The following ANGPT1 variants were observed in gnomAD, a reference collection of about 807,000 sequenced individuals.
ANGPT1 encodes angiopoietin 1.
A neutral mutation model predicts 62.2 loss-of-function variants in ANGPT1; 17 were observed. That is an observed-to-expected ratio of 0.27 (90% CI 0.19 to 0.41). ANGPT1 has a LOEUF of 0.41. ANGPT1 is among the 10% of genes least tolerant of loss of function. The probability of loss-of-function intolerance (pLI) is 1.00; values close to 1 mark genes in which losing one functional copy is unlikely to be tolerated. For synonymous variants in ANGPT1, 199 were observed against 198.9 expected (o/e 1.00, Z 0.00); for missense variants, 478 against 594.9 (o/e 0.80, Z 2.04).
At chr8:107,297,570 A>C (rs1814446307) in intron 5 of ANGPT1, among the ~76,000 whole-genome samples, 1 of 113,706 alleles carries the variant, frequency 8.8e-6, no homozygotes, top group South Asian at 2.7e-4. Context: ...TTAATATACT[A>C]TAGTTATATA....
chr8:107,264,925 T>C (rs1169866032), intron 7 of ANGPT1, among the ~76,000 whole-genome samples: 1 of 152,182 alleles, frequency 6.6e-6, no homozygotes, highest in Non-Finnish European at 1.5e-5. Context: ...AACTCAAGCT[T>C]TGAATCATTA....
intron 1 of ANGPT1, among the ~76,000 whole-genome samples, chr8:107,370,157 A>G (rs1377782669): frequency 7.4e-6 from 1 of 135,388 alleles, no homozygotes; most frequent in Non-Finnish European, 1.6e-5. Context: ...AGAGAAAGAG[A>G]AAGAAAGAAA....
chr8:107,298,097 T>C (rs2130199489), intron 5 of ANGPT1, among the ~76,000 whole-genome samples: 1 of 152,000 alleles, frequency 6.6e-6, no homozygotes, highest in African/African-American at 2.4e-5. Context: ...AACTGGCTCC[T>C]ATCCCAGGCA....
intron 1 of ANGPT1, among the ~76,000 whole-genome samples, chr8:107,446,571 T>C (rs559618878): frequency 6.6e-6 from 1 of 152,200 alleles, no homozygotes; most frequent in African/African-American, 2.4e-5. Context: ...TGGTAATAGA[T>C]TTTGGCCAGA....
At chr8:107,339,399 A>G (rs1017161436) in intron 2 of ANGPT1, among the ~76,000 whole-genome samples, 4 of 152,070 alleles carry the variant, frequency 2.6e-5, no homozygotes, top group Admixed American at 2.0e-4. Context: ...TTTCTGCCAC[A>G]TTGACTAGCC....
intron 2 of ANGPT1, among the ~76,000 whole-genome samples, chr8:107,341,023 C>T (rs1274396609): frequency 6.6e-6 from 1 of 152,068 alleles, no homozygotes; most frequent in African/African-American, 2.4e-5. Flanking sequence ...TAATAATGGA[C>T]AATGTGACCA....
At chr8:107,383,749 G>T (rs567434950) in intron 1 of ANGPT1, among the ~76,000 whole-genome samples, 101 of 152,254 alleles carry the variant, frequency 6.6e-4, no homozygotes, top group Non-Finnish European at 1.3e-3. Flanking sequence ...AAGGTTGAAA[G>T]ATTACAAACT....
At chr8:107,274,653 T>C (rs552506819) in intron 7 of ANGPT1, among the ~76,000 whole-genome samples, 2 of 152,130 alleles carry the variant, frequency 1.3e-5, no homozygotes, top group Non-Finnish European at 2.9e-5. Flanking sequence ...GTGGCAACTG[T>C]CATTTTATAC....
Position 107,497,360 on chromosome 8 carries a change from G to A in ANGPT1, c.199C>T (p.Leu67=), listed in dbSNP as rs766471027. Residue 67 remains leucine (L), a synonymous_variant, in exon 1 of 9, where the codon CTG becomes TTG. Transcript: ENST00000517746. ...STTDQYNTNA[L]QRDAPHVEPD... is the part of the protein sequence containing the mutation. ...TCCACGTGTGGAGCATCTCTCTGCA[G>A]AGCGTTTGTGTTGTACTGGTCTGTC... 7.3e-5 allele frequency: 118 copies of A among 1,614,076 alleles called. No individual in the cohort carries two copies. The highest frequency in any genetic ancestry group is 9.5e-5 in the Non-Finnish European group (112 of 1,180,036).
At chr8:107,288,307 G>C (rs1184539563) in intron 6 of ANGPT1, among the ~76,000 whole-genome samples, 2 of 152,034 alleles carry the variant, frequency 1.3e-5, no homozygotes, top group Non-Finnish European at 2.9e-5. Context: ...TCTTACCTTT[G>C]CTTCCAAGTA....
At chr8:107,358,539 C>T (rs570311300) in intron 1 of ANGPT1, among the ~76,000 whole-genome samples, 33 of 152,226 alleles carry the variant, frequency 2.2e-4, no homozygotes, top group African/African-American at 7.9e-4. Flanking sequence ...TGAGAATTAA[C>T]CATACACCAC....
intron 1 of ANGPT1, among the ~76,000 whole-genome samples, chr8:107,458,809 CATGT>C (rs570616576): frequency 3.7e-4 from 56 of 152,248 alleles, no homozygotes; most frequent in South Asian, 2.5e-3. Context: ...CAACTGCATG[CATGT>C]ATTATCTCAT....
At chr8:107,489,448 C>T (rs1812900130) in intron 1 of ANGPT1, among the ~76,000 whole-genome samples, 1 of 152,104 alleles carries the variant, frequency 6.6e-6, no homozygotes, top group Non-Finnish European at 1.5e-5. Context: ...TCAGTACTTA[C>T]TGACAAAAGA....
chr8:107,473,377 C>A (rs1812414784), intron 1 of ANGPT1, among the ~76,000 whole-genome samples: 1 of 151,942 alleles, frequency 6.6e-6, no homozygotes, highest in Non-Finnish European at 1.5e-5. Context: ...AAGCATTTCA[C>A]AGTTTGCTAT....
At chr8:107,492,945 G>A (rs1161113897) in intron 1 of ANGPT1, among the ~76,000 whole-genome samples, 3 of 150,270 alleles carry the variant, frequency 2.0e-5, no homozygotes, top group Non-Finnish European at 4.4e-5. Flanking sequence ...GAAATACTAA[G>A]TTCTTGTGCT....
intron 3 of ANGPT1, among the ~76,000 whole-genome samples, chr8:107,324,776 A>T (rs1343232278): frequency 6.6e-6 from 1 of 152,182 alleles, no homozygotes; most frequent in East Asian, 1.9e-4. Flanking sequence ...GTGTGCACAC[A>T]TTCACATAAG....
intron 1 of ANGPT1, among the ~76,000 whole-genome samples, chr8:107,388,189 T>G (rs1176550757): frequency 1.3e-5 from 2 of 152,084 alleles, no homozygotes; most frequent in African/African-American, 4.8e-5. Context: ...ATAAAGTTCC[T>G]GAAACAAAAT....
chr8:107,374,900 G>A (rs928660975), intron 1 of ANGPT1, among the ~76,000 whole-genome samples: 5 of 152,248 alleles, frequency 3.3e-5, no homozygotes, highest in Middle Eastern at 3.4e-3. Context: ...GGTGGCTCAC[G>A]CCTGTAATCT....
intron 3 of ANGPT1, among the ~76,000 whole-genome samples, chr8:107,333,970 A>AGGG (rs1815489039): frequency 1.1e-5 from 1 of 95,228 alleles, no homozygotes; most frequent in African/African-American, 3.8e-5. Context: ...AGAAAGAAAG[A>AGGG]AAGGAGGGAG....
Sources: gnomAD v4.1 joint callset for allele counts (sites outside exome capture counted in the v4.1 genomes callset) on GRCh38, gnomAD v4.1.1 for gene constraint, MANE v1.5 for transcripts, NCBI Gene and HGNC (gene_info 2026-07-23, HGNC 2026-07-21) for gene names.